IQCF3: variants seen among roughly 807,000 people sequenced by gnomAD.
The protein encoded by IQCF3 is IQ domain-containing protein F3.
Under a neutral mutation model 5.1 loss-of-function variants are expected in IQCF3, and 7 were observed. That is an observed-to-expected ratio of 1.36 (90% CI 0.78 to 2.56). The LOEUF (loss-of-function observed/expected upper bound fraction) is 2.56, where lower values mean the gene tolerates loss of function less well. IQCF3 is among the 30% of genes most tolerant of loss of function. The pLI, the probability that IQCF3 is intolerant of heterozygous loss-of-function variation, is 0.00. For missense variants in IQCF3, 189 were observed against 196.5 expected, an observed-to-expected ratio of 0.96 and a Z score of 0.23; for synonymous variants, 82 against 72.8, an observed-to-expected ratio of 1.13 and a Z score of -0.64.
rs117117869 is a variant in IQCF3 at position 51,830,263 on chromosome 3, A to G, written c.67-140A>G. 37 of 822,160 alleles carry G rather than the reference A, an allele frequency of 4.5e-5. No homozygotes were observed. The East Asian group carries it at 7.2e-4, about 16-fold the overall frequency. The allele number at this position is 822,160 out of a possible 1,614,324, so 50.9% of individuals were successfully genotyped here. ...GACTGTGAGGGTGTCCAGAGCCATG[A>G]ACAGGACAGAAGTAGAGGACAAACC... On this transcript the variant is annotated intron_variant, in intron 2 of 2. Transcript: ENST00000440739. This position sits in a 1 kb window ranked among gnomAD's most constrained non-coding sequence, Gnocchi z 4.1.
intron 1 of IQCF3, 70 bp from the exon 2 acceptor site, chr3:51,829,595 G>A (rs1698336426): frequency 4.4e-6 from 7 of 1,597,530 alleles, no homozygotes; most frequent in African/African-American, 1.3e-5. Flanking sequence ...ATGGGGAACT[G>A]GGCCTGTGGG....
At position 51,830,436 on chromosome 3, in the gene IQCF3, G is replaced by T; in HGVS notation, c.100G>T (p.Val34Leu). Reference sequence around the variant, plus strand: ...TGCACAACTGCATCACAGAAAAAGGGTGAAGGCAGCTGGGCAGATCCAGGC... The same window carrying T: ...TGCACAACTGCATCACAGAAAAAGGTTGAAGGCAGCTGGGCAGATCCAGGC... Reference protein sequence around the residue: ...LLAQLHHRKRVKAAGQIQAWW... With the variant: ...LLAQLHHRKRLKAAGQIQAWW... The change falls in exon 3 of 3, where the codon GTG becomes TTG. Residue 34 changes from valine (V) to leucine (L), a missense_variant. By Grantham distance (32) the Val-to-Leu change is conservative. Transcript: ENST00000440739. This position sits in a 1 kb window ranked among gnomAD's most constrained non-coding sequence, Gnocchi z 4.1. The T allele has an allele frequency of 6.4e-7, 1 of 1,566,158 alleles. No individual in the cohort carries two copies. The highest frequency in any genetic ancestry group is 8.6e-7 in the Non-Finnish European group (1 of 1,159,078).
intron 2 of IQCF3, 142 bp downstream of exon 2, chr3:51,829,854 G>T: frequency 1.2e-6 from 1 of 808,536 alleles, no homozygotes; most frequent in South Asian, 1.6e-5. Flanking sequence ...ACTGAGTAAG[G>T]TATGGAGATA....
At chr3:51,828,681 G>C (rs1698322166), upstream of IQCF3, 1 of 152,212 alleles carries the variant, frequency 6.6e-6, no homozygotes, top group South Asian at 2.1e-4. Flanking sequence ...CTCATAGAAT[G>C]AGCTGGGGAG....
At chr3:51,829,617 C>A in intron 1 of IQCF3, 48 bp from the exon 2 acceptor site, 1 of 1,608,200 alleles carries the variant, frequency 6.2e-7, no homozygotes, top group South Asian at 1.1e-5. Context: ...ACTTTGCAGT[C>A]AGGCTGGTCC....
intron 2 of IQCF3, 182 bp downstream of exon 2, chr3:51,829,894 C>A: frequency 1.6e-6 from 1 of 626,548 alleles, no homozygotes; most frequent in Non-Finnish European, 2.8e-6. Flanking sequence ...GTTTCGTGCG[C>A]ACAGCCACCT....
upstream of IQCF3, among the ~76,000 whole-genome samples, chr3:51,827,577 T>C (rs920386017): frequency 2.0e-5 from 3 of 152,038 alleles, no homozygotes; most frequent in Non-Finnish European, 4.4e-5. Context: ...ATTCATAATT[T>C]TTATAATTAA....
At position 51,830,543 on chromosome 3, in the gene IQCF3, G is replaced by A. The variant is rs377694993; in HGVS notation, c.207G>A (p.Thr69=). The part of the protein sequence containing the change: ...RAWMIQCWWR[T]LVQRRIRQRR... The stretch of plus-strand genomic sequence containing the variant: ...GGATGATTCAGTGCTGGTGGAGGAC[G>A]TTGGTGCAGAGACGGATCCGTCAGC... The change falls in exon 3 of 3, where the codon ACG becomes ACA. Residue 69 remains threonine, a synonymous_variant. Coordinates refer to ENST00000440739, the MANE Select transcript of IQCF3 (RefSeq NM_001393887.1). This position sits in a 1 kb window ranked among gnomAD's most constrained non-coding sequence, Gnocchi z 4.1. The A allele has an allele frequency of 1.2e-5, 19 of 1,613,886 alleles. No homozygotes were observed. The highest frequency in any genetic ancestry group is 4.4e-5 in the South Asian group (4 of 91,080).
intron 2 of IQCF3, 128 bp downstream of exon 2, chr3:51,829,840 G>A: frequency 1.1e-6 from 1 of 895,432 alleles, no homozygotes; most frequent in Non-Finnish European, 1.8e-6. Flanking sequence ...CCTCTCCTTG[G>A]TGAACTGAGT....
chr3:51,830,470 G>T lies in IQCF3; in HGVS notation c.134G>T (p.Arg45Leu). Reference sequence around the variant, plus strand: ...GCTGGGCAGATCCAGGCCTGGTGGCGTGGGGTCCTGGTGCGCAGGACCCTG... The same window carrying T: ...GCTGGGCAGATCCAGGCCTGGTGGCTTGGGGTCCTGGTGCGCAGGACCCTG... ...KAAGQIQAWW[R>L]GVLVRRTLLV... The change falls in exon 3 of 3, where the codon CGT (arginine) becomes CTT (leucine). Residue 45 changes from arginine to leucine, a missense_variant. By Grantham distance (102) the Arg-to-Leu change is moderately radical. Coordinates refer to ENST00000440739, the MANE Select transcript of IQCF3 (RefSeq NM_001393887.1). This position sits in a 1 kb window ranked among gnomAD's most constrained non-coding sequence, Gnocchi z 4.1. 6.2e-7 allele frequency: 1 copy of T among 1,607,234 alleles called. No individual in the cohort carries two copies. Among genetic ancestry groups the T allele is most frequent in the East Asian group, 2.2e-5 (1 of 44,856 alleles).
Position 51,830,435 on chromosome 3 carries a change from G to A in IQCF3, c.99G>A (p.Arg33=). Residue 33 remains arginine, a synonymous_variant, in exon 3 of 3, where the codon AGG becomes AGA. Coordinates refer to ENST00000440739, the MANE Select transcript of IQCF3 (RefSeq NM_001393887.1). This position sits in a 1 kb window ranked among gnomAD's most constrained non-coding sequence, Gnocchi z 4.1. Reference sequence around the variant, plus strand: ...TTGCACAACTGCATCACAGAAAAAGGGTGAAGGCAGCTGGGCAGATCCAGG... The same window carrying A: ...TTGCACAACTGCATCACAGAAAAAGAGTGAAGGCAGCTGGGCAGATCCAGG... The part of the protein sequence containing the change: ...LLLAQLHHRK[R]VKAAGQIQAW... The A allele has an allele frequency of 1.3e-6, 2 of 1,565,472 alleles. No individual in the cohort carries two copies. The highest frequency in any genetic ancestry group is 1.7e-6 in the Non-Finnish European group (2 of 1,158,720).
upstream of IQCF3, chr3:51,828,736 G>A (rs992390464): frequency 1.3e-5 from 2 of 152,184 alleles, no homozygotes; most frequent in Non-Finnish European, 2.9e-5. Flanking sequence ...AGTAGGAATG[G>A]GACCAGCTCT....
At position 51,829,529 on chromosome 3, in the gene IQCF3, G is replaced by C. The variant is rs376109040; in HGVS notation, c.18+36G>C. 806 of 1,596,272 alleles carry C rather than the reference G, an allele frequency of 5.0e-4. 7 individuals carry two copies. In the Middle Eastern group the frequency reaches 0.013, roughly 25 times the overall value. Reference sequence around the variant, plus strand: ...GGCACACAAACTCCCCCAGGGGTGGGAGTTGTCCCATGGCCCAGGAAAGCA... The same window carrying C: ...GGCACACAAACTCCCCCAGGGGTGGCAGTTGTCCCATGGCCCAGGAAAGCA... On this transcript the variant is annotated intron_variant, in intron 1 of 2. Transcript: ENST00000440739.
rs2107194121 is a variant in IQCF3, at chr3:51,829,699, A to T, written c.53A>T (p.Gln18Leu). Residue 18 changes from glutamine to leucine, a missense_variant, in exon 2 of 3, where the codon CAG becomes CTG. Coordinates refer to ENST00000440739, the MANE Select transcript of IQCF3 (RefSeq NM_001393887.1). ...CCAGATGAAGATGCAGTAGAAAGAC[A>T]GAGGCGGCAGAAGGTAGGTGGGGCC... is the stretch of plus-strand genomic sequence containing the variant. ...GGPDEDAVER[Q>L]RRQKLLLAQL... The T allele has an allele frequency of 6.2e-7, 1 of 1,613,844 alleles. No homozygotes were observed. The highest frequency in any genetic ancestry group is 8.5e-7 in the Non-Finnish European group (1 of 1,179,838).
At position 51,829,959 on chromosome 3, in the gene IQCF3, T is replaced by C. The variant is rs1381035726; in HGVS notation, c.66+247T>C. On this transcript the variant is annotated intron_variant, in intron 2 of 2. Transcript: ENST00000440739. ...AAGGCCCAGGAGAATGAGGAGGGAC[T>C]GAGACATGGTAGTGGAAGTCCACAA... 4.2e-5 allele frequency: 23 copies of C among 542,542 alleles called. No individual in the cohort carries two copies. The East Asian group carries it at 5.9e-4, about 14-fold the overall frequency. 33.6% of individuals were successfully genotyped at this position (542,542 alleles called of 1,614,324 possible).
Position 51,830,577 on chromosome 3 carries a change from G to C in IQCF3, c.241G>C (p.Ala81Pro). ...GAGACGGATCCGTCAGCGGCGGCAG[G>C]CCCTGTTGAGGGTCTACGTCATCCA... ...VQRRIRQRRQ[A>P]LLRVYVIQEQ... The change falls in exon 3 of 3, where the codon GCC (alanine) becomes CCC (proline). Residue 81 changes from alanine to proline, a missense_variant. Transcript: ENST00000440739. This position sits in a 1 kb window ranked among gnomAD's most constrained non-coding sequence, Gnocchi z 4.1. The C allele has an allele frequency of 6.2e-7, 1 of 1,613,948 alleles. No homozygotes were observed. Among genetic ancestry groups the C allele is most frequent in the Non-Finnish European group, 8.5e-7 (1 of 1,179,842 alleles).
At chr3:51,829,218 G>A, upstream of IQCF3, 1 of 535,216 alleles carries the variant, frequency 1.9e-6, no homozygotes, top group Admixed American at 3.3e-5. Flanking sequence ...CATGAAAAAA[G>A]TTAACAGGCA....
At chr3:51,829,249 T>C (rs940516718), upstream of IQCF3, 1 of 586,218 alleles carries the variant, frequency 1.7e-6, no homozygotes, top group Non-Finnish European at 3.1e-6. Flanking sequence ...TGAGAAATGA[T>C]ATTTGCACAA....
chr3:51,830,744 C>T lies in IQCF3; in HGVS notation c.408C>T (p.Val136=). Residue 136 remains valine (V), a synonymous_variant, in exon 3 of 3, where the codon GTC becomes GTT. Transcript: ENST00000440739. This position sits in a 1 kb window ranked among gnomAD's most constrained non-coding sequence, Gnocchi z 4.1. ...LAFQTDGFLQ[V]QYAIPSKQPE... is the part of the protein sequence containing the mutation. ...TCCAGACTGATGGCTTTTTACAGGTCCAATATGCAATCCCTTCAAAGCAGC... is the reference window on the plus strand; with the variant it reads ...TCCAGACTGATGGCTTTTTACAGGTTCAATATGCAATCCCTTCAAAGCAGC... 2 of 1,611,050 alleles carry T rather than the reference C, an allele frequency of 1.2e-6. No homozygotes were observed. The highest frequency in any genetic ancestry group is 1.7e-6 in the Non-Finnish European group (2 of 1,178,184).
Sources: gnomAD v4.1 joint callset for allele counts (sites outside exome capture counted in the v4.1 genomes callset) on GRCh38, gnomAD v4.1.1 for gene constraint, Gnocchi (gnomAD v3.1) non-coding constraint, MANE v1.5 for transcripts, NCBI Gene and HGNC (gene_info 2026-07-23, HGNC 2026-07-21) for gene names.